Variants in ABL1 observed in about 807,000 individuals in gnomAD.
ABL1 encodes the protein ABL proto-oncogene 1, non-receptor tyrosine kinase, also known as tyrosine-protein kinase ABL1.
In ABL1, 11 loss-of-function variants were observed where a neutral mutation model predicts 94.7. The ratio of observed to expected loss-of-function variants is 0.12; its 90% CI spans 0.07 to 0.19. ABL1 has a LOEUF of 0.19. Among genes scored for constraint, ABL1 ranks in the 10% least tolerant of loss-of-function variants. ABL1 has a pLI of 1.00. For synonymous variants in ABL1, 656 were observed against 622.4 expected (o/e 1.05, Z -0.80); for missense variants, 1,082 against 1,489.4 (o/e 0.73, Z 4.50).
Position 130,874,462 on chromosome 9 carries a change from G to A in ABL1, c.1086-406G>A, listed in dbSNP as rs567539017. 4.6e-5 allele frequency among the ~76,000 whole-genome samples: 7 copies of A among 152,326 alleles called. No individual in the cohort carries two copies. The South Asian group carries it at 8.3e-4, about 18-fold the overall frequency. ...AGGACTGGGCTCAGTGTTTGTCTCC[G>A]TGCCTGGCATAGAGTAGCAATAACT... On this transcript the variant is annotated intron_variant, in intron 6 of 10. Transcript: ENST00000318560.
intron 4 of ABL1, among the ~76,000 whole-genome samples, chr9:130,871,590 A>AG (rs1831252297): frequency 6.6e-6 from 1 of 152,252 alleles, no homozygotes; most frequent in African/African-American, 2.4e-5. Context: ...GTGCCAGAAT[A>AG]GTTCAGCATC....
chr9:130,837,525 A>C (rs1371761537), intron 1 of ABL1, among the ~76,000 whole-genome samples: 1 of 151,268 alleles, frequency 6.6e-6, no homozygotes, highest in Non-Finnish European at 1.5e-5. Context: ...CTTGAAATGA[A>C]TTATAATGTT....
intron 1 of ABL1, among the ~76,000 whole-genome samples, chr9:130,785,291 G>A (rs1829811570): frequency 6.6e-6 from 1 of 152,188 alleles, no homozygotes; most frequent in African/African-American, 2.4e-5. Context: ...AGACAGCCCA[G>A]TGGGTGGTAC....
At chr9:130,846,491 C>T (rs552245290) in intron 1 of ABL1, among the ~76,000 whole-genome samples, 2 of 152,310 alleles carry the variant, frequency 1.3e-5, no homozygotes, top group South Asian at 4.1e-4. Context: ...TTAAAGGGAA[C>T]GTTTGTCACG....
intron 1 of ABL1, among the ~76,000 whole-genome samples, chr9:130,760,942 G>GC (rs1832104806): frequency 9.3e-6 from 1 of 108,042 alleles, no homozygotes; most frequent in African/African-American, 4.0e-5. Flanking sequence ...CCCCGCCCCT[G>GC]CTTTTTTTTT....
At chr9:130,785,327 C>T (rs1184218272) in intron 1 of ABL1, among the ~76,000 whole-genome samples, 1 of 152,126 alleles carries the variant, frequency 6.6e-6, no homozygotes, top group South Asian at 2.1e-4. Context: ...ACCACACACA[C>T]CCTGCAGGGA....
chr9:130,873,063 G>A (rs374258308), intron 6 of ABL1, 26 bp downstream of exon 6: 10 of 1,605,152 alleles, frequency 6.2e-6, no homozygotes, highest in Admixed American at 3.4e-5. Flanking sequence ...GGCAGCCTGC[G>A]CCATGGAGTC....
At chr9:130,741,264 TCGAG>T in intron 1 of ABL1, among the ~76,000 whole-genome samples, 5 of 152,156 alleles carry the variant, frequency 3.3e-5, no homozygotes, top group African/African-American at 1.2e-4. Flanking sequence ...AGACCCATGG[TCGAG>T]GGAGAGGAGC....
At chr9:130,866,674 C>T (rs1315362160) in intron 4 of ABL1, among the ~76,000 whole-genome samples, 3 of 152,180 alleles carry the variant, frequency 2.0e-5, no homozygotes, top group Non-Finnish European at 4.4e-5. Flanking sequence ...AGGAAAAAAG[C>T]AGGACACTAG....
intron 1 of ABL1, among the ~76,000 whole-genome samples, chr9:130,718,000 G>A (rs561462486): frequency 5.0e-5 from 7 of 138,622 alleles, no homozygotes; most frequent in Non-Finnish European, 7.6e-5. Flanking sequence ...CAACAAGAGC[G>A]AAACTCTTGT....
chr9:130,751,744 C>G (rs1588223262), intron 1 of ABL1, among the ~76,000 whole-genome samples: 2 of 152,210 alleles, frequency 1.3e-5, no homozygotes, highest in East Asian at 3.9e-4. Context: ...TGCCTGGACA[C>G]AGGACTGCTC....
chr9:130,768,916 G>A (rs1832217238), intron 1 of ABL1, among the ~76,000 whole-genome samples: 1 of 152,174 alleles, frequency 6.6e-6, no homozygotes, highest in African/African-American at 2.4e-5. Context: ...TGTTCAATGT[G>A]TTCAATGGAA....
chr9:130,759,765 CT>C (rs1331902515), intron 1 of ABL1, among the ~76,000 whole-genome samples: 11 of 152,148 alleles, frequency 7.2e-5, no homozygotes, highest in African/African-American at 2.4e-4. Context: ...ATTTCTTCCC[CT>C]AGGACACGCT....
intron 1 of ABL1, among the ~76,000 whole-genome samples, chr9:130,796,736 C>G (rs888128118): frequency 1.3e-5 from 2 of 150,558 alleles, no homozygotes; most frequent in African/African-American, 4.9e-5. Context: ...AATAAATAAA[C>G]AAAAAACAAT....
chr9:130,851,779 T>A (rs1830869403), intron 1 of ABL1, among the ~76,000 whole-genome samples: 1 of 149,764 alleles, frequency 6.7e-6, no homozygotes, highest in African/African-American at 2.5e-5. Context: ...TTTTTTTTTT[T>A]TTTTTGAGAT....
chr9:130,714,586 T>C, intron 1 of ABL1: 1 of 1,222,422 alleles, frequency 8.2e-7, no homozygotes, highest in East Asian at 2.3e-5. Context: ...ACTGTAGTTA[T>C]CTCTTAGTGG....
At chr9:130,735,395 A>G (rs1029232735) in intron 1 of ABL1, among the ~76,000 whole-genome samples, 1 of 151,864 alleles carries the variant, frequency 6.6e-6, no homozygotes, top group African/African-American at 2.4e-5. Flanking sequence ...CAGAACAAAC[A>G]TGTATTTTCA....
chr9:130,781,039 G>A (rs1829748426), intron 1 of ABL1, among the ~76,000 whole-genome samples: 1 of 152,156 alleles, frequency 6.6e-6, no homozygotes, highest in South Asian at 2.1e-4. Context: ...AAGTTGTGCA[G>A]AGAACCTCAC....
At chr9:130,782,661 C>G (rs767936366) in intron 1 of ABL1, among the ~76,000 whole-genome samples, 62 of 152,304 alleles carry the variant, frequency 4.1e-4, no homozygotes, top group African/African-American at 1.4e-3. Flanking sequence ...AGATATAATG[C>G]GCTGAAGGTC....
Sources: allele counts gnomAD v4.1 joint callset (sites outside exome capture counted in the v4.1 genomes callset), GRCh38; gene constraint gnomAD v4.1.1; transcripts MANE v1.5; gene names NCBI Gene and HGNC (gene_info 2026-07-23, HGNC 2026-07-21).